FN1: variants seen among roughly 807,000 people sequenced by gnomAD.
The protein encoded by FN1 is fibronectin 1.
Under a neutral mutation model 297.3 loss-of-function variants are expected in FN1, and 106 were observed. The observed-to-expected ratio is 0.36, with a 90% CI of 0.30 to 0.42. The LOEUF (loss-of-function observed/expected upper bound fraction) is 0.42. FN1 is among the 10% of genes least tolerant of loss of function. The pLI is 1.00. For synonymous variants in FN1, 1,149 were observed against 1,152.6 expected, an observed-to-expected ratio of 1.00 and a Z score of 0.06; for missense variants, 2,690 against 3,124.9, an observed-to-expected ratio of 0.86 and a Z score of 3.32.
Position 215,435,658 on chromosome 2 carries a change from T to C in FN1, c.145A>G (p.Lys49Glu). The change falls in exon 1 of 46, where the codon AAG becomes GAG. Residue 49 changes from lysine (K) to glutamate (E), a missense_variant. Coordinates refer to ENST00000354785, the MANE Select transcript of FN1 (RefSeq NM_212482.4). ...PQSPVAVSQS[K>E]PGCYDNGKHY... Reference sequence around the variant, plus strand: ...TCAGCCCGCGGTCAGTACTCACGCTTGCTTTGACTGACAGCCACCGGGGAC... The same window carrying C: ...TCAGCCCGCGGTCAGTACTCACGCTCGCTTTGACTGACAGCCACCGGGGAC... The C allele has an allele frequency of 6.2e-7, 1 of 1,613,656 alleles. No individual in the cohort carries two copies. The highest frequency in any genetic ancestry group is 8.5e-7 in the Non-Finnish European group (1 of 1,179,988).
At chr2:215,398,546 A>G (rs962646072) in intron 21 of FN1, among the ~76,000 whole-genome samples, 25 of 152,224 alleles carry the variant, frequency 1.6e-4, no homozygotes, top group African/African-American at 6.0e-4. Context: ...AAGTTCTTCT[A>G]TATTTGAGTA....
At position 215,370,435 on chromosome 2, in the gene FN1, G is replaced by A. The variant is rs376734004; in HGVS notation, c.6715-3C>T. On this transcript the variant is annotated splice_region_variant and splice_polypyrimidine_tract_variant and intron_variant, in intron 40 of 45. Coordinates refer to ENST00000354785, the MANE Select transcript of FN1 (RefSeq NM_212482.4). ...GTAGAAGTTCCAGGAACCCTGAACT[G>A]CAATTATCGGTACATCCAAAGCAGA... is the stretch of plus-strand genomic sequence containing the variant. 4.3e-6 allele frequency: 7 copies of A among 1,612,068 alleles called. No individual in the cohort carries two copies. The African/African-American group carries it at 6.7e-5, about 15-fold the overall frequency.
chr2:215,395,329 G>A (rs566333913), intron 23 of FN1, among the ~76,000 whole-genome samples: 2 of 152,174 alleles, frequency 1.3e-5, no homozygotes, highest in African/African-American at 4.8e-5. Flanking sequence ...CCTGAGGTTG[G>A]GAGTTCGAGA....
chr2:215,431,704 AC>A, intron 4 of FN1, 128 bp downstream of exon 4: 1 of 986,438 alleles, frequency 1.0e-6, no homozygotes, highest in Non-Finnish European at 1.6e-6. Flanking sequence ...ATTATTTCAA[AC>A]AAAATTCCCA....
At position 215,384,175 on chromosome 2, in the gene FN1, C is replaced by T; in HGVS notation, c.4739G>A (p.Ser1580Asn). The change falls in exon 30 of 46, where the codon AGC becomes AAC. Residue 1580 changes from serine (S) to asparagine (N), a missense_variant. By Grantham distance (46) the Ser-to-Asn change is conservative (BLOSUM62 1). Coordinates refer to ENST00000354785, the MANE Select transcript of FN1 (RefSeq NM_212482.4). ...AGGCACAGTGAACTCCTGGACAGGG[C>T]TATTTCCTCCTGTATGAAAAAGGGT... Reference protein sequence around the residue: ...RITYGETGGNSPVQEFTVPGS... With the variant: ...RITYGETGGNNPVQEFTVPGS... The T allele has an allele frequency of 6.2e-7, 1 of 1,614,106 alleles. No individual in the cohort carries two copies. The highest frequency in any genetic ancestry group is 1.3e-5 in the African/African-American group (1 of 75,018).
At chr2:215,361,915 T>C in intron 45 of FN1, 54 bp downstream of exon 45, 1 of 1,605,970 alleles carries the variant, frequency 6.2e-7, no homozygotes, top group Non-Finnish European at 8.5e-7. Flanking sequence ...AAGATACCTG[T>C]AGAAAGAGAC....
chr2:215,391,848 G>T, intron 25 of FN1, 34 bp from the exon 26 acceptor site: 1 of 1,598,582 alleles, frequency 6.3e-7, no homozygotes, highest in Non-Finnish European at 8.6e-7. Flanking sequence ...CTCAGTTAAT[G>T]TAATTTTAAA....
intron 3 of FN1, among the ~76,000 whole-genome samples, chr2:215,432,630 CTTATAT>C (rs1441290862): frequency 4.6e-5 from 7 of 152,116 alleles, no homozygotes; most frequent in Non-Finnish European, 8.8e-5. Flanking sequence ...TTTAAGACGA[CTTATAT>C]TTAAAGAATG....
At position 215,364,733 on chromosome 2, in the gene FN1, A is replaced by G. The variant is rs374984617; in HGVS notation, c.7251+146T>C. 11 of 689,280 alleles carry G rather than the reference A, an allele frequency of 1.6e-5. No individual in the cohort carries two copies. In the East Asian group the frequency reaches 1.6e-4, roughly 10 times the overall value. 42.7% of individuals were successfully genotyped at this position (689,280 alleles called of 1,614,324 possible). A position where few individuals can be genotyped will look rare whatever the true frequency, so the allele number is the denominator to read the frequency against. ...AGACATAGAGCTGCTCTAGAGCTCT[A>G]TGTCAGCAGTTGTATGCCAACAGGA... On this transcript the variant is annotated intron_variant, in intron 44 of 45. Transcript: ENST00000354785.
chr2:215,382,231 C>T lies in FN1; in HGVS notation c.5145G>A (p.Leu1715=). Residue 1715 remains leucine (L), a synonymous_variant, in exon 32 of 46, where the codon CTG becomes CTA. Coordinates refer to ENST00000354785, the MANE Select transcript of FN1 (RefSeq NM_212482.4). ...AQNPSGESQP[L]VQTAVTNIDR... ...ACGTACTGGTTACTGCAGTCTGAAC[C>T]AGAGGCTGACTCTCTCCGCTTGGAT... 1 of 1,613,202 alleles carries T rather than the reference C, an allele frequency of 6.2e-7. No homozygotes were observed. Among genetic ancestry groups the T allele is most frequent in the Non-Finnish European group, 8.5e-7 (1 of 1,179,172 alleles).
chr2:215,410,554 C>G (rs1212647043), intron 13 of FN1, among the ~76,000 whole-genome samples: 2 of 148,780 alleles, frequency 1.3e-5, no homozygotes, highest in Admixed American at 6.8e-5. Context: ...GTTGCCCAGG[C>G]TAGAGTGCAG....
At chr2:215,411,540 A>C (rs2062629482) in intron 13 of FN1, among the ~76,000 whole-genome samples, 1 of 152,220 alleles carries the variant, frequency 6.6e-6, no homozygotes, top group Non-Finnish European at 1.5e-5. Context: ...TAGTTATTAC[A>C]AGAAAATAAC....
chr2:215,394,301 C>T (rs985317552), intron 24 of FN1, among the ~76,000 whole-genome samples: 5 of 152,198 alleles, frequency 3.3e-5, no homozygotes, highest in East Asian at 1.9e-4. Context: ...ATTACATACT[C>T]GCTGCAACAC....
chr2:215,397,203 A>G lies in FN1; in HGVS notation c.3538T>C (p.Leu1180=). ...GTGTCAGGGTTTGCCTCCAGATGCA[A>G]GTTTGTTGGTGGAGACAATGCTATG... ...VVTPLSPPTN[L]HLEANPDTGV... is the part of the protein sequence containing the mutation. Residue 1180 remains leucine, a synonymous_variant, in exon 23 of 46, where the codon TTG becomes CTG. Transcript: ENST00000354785. 6.2e-7 allele frequency: 1 copy of G among 1,613,624 alleles called. No homozygotes were observed. The highest frequency in any genetic ancestry group is 1.1e-5 in the South Asian group (1 of 91,058).
At chr2:215,400,660 G>C (rs569119884) in intron 20 of FN1, among the ~76,000 whole-genome samples, 63 of 135,588 alleles carry the variant, frequency 4.6e-4, no homozygotes, top group Non-Finnish European at 7.5e-4. Flanking sequence ...GCTGAGGCAG[G>C]AGAATCACCT....
rs1327879168 is a variant in FN1 at position 215,370,405 on chromosome 2, C to T, written c.6742G>A (p.Ala2248Thr). Residue 2248 changes from alanine (A) to threonine (T), a missense_variant, in exon 41 of 46, where the codon GCC becomes ACC. Physicochemically the swap from Ala to Thr is moderately conservative, Grantham distance 58 (BLOSUM62 0). Coordinates refer to ENST00000354785, the MANE Select transcript of FN1 (RefSeq NM_212482.4). ...CCTCTGGTGAGGCCTGTCAGAGTGG[C>T]ACTGGTAGAAGTTCCAGGAACCCTG... Reference protein sequence around the residue: ...QFRVPGTSTSATLTGLTRGAT... With the variant: ...QFRVPGTSTSTTLTGLTRGAT... The T allele has an allele frequency of 3.1e-6, 5 of 1,613,696 alleles. No individual in the cohort carries two copies. Among genetic ancestry groups the T allele is most frequent in the African/African-American group, 2.7e-5 (2 of 74,794 alleles).
chr2:215,389,772 A>T (rs1261471938), intron 26 of FN1, among the ~76,000 whole-genome samples: 2 of 150,604 alleles, frequency 1.3e-5, no homozygotes, highest in African/African-American at 4.9e-5. Flanking sequence ...CCTGGGCAAC[A>T]GAGGGAGACT....
intron 32 of FN1, 89 bp from the exon 33 acceptor site, chr2:215,381,169 C>A: frequency 4.5e-6 from 6 of 1,326,390 alleles, no homozygotes; most frequent in Non-Finnish European, 6.5e-6. Flanking sequence ...TTTGCAGATA[C>A]CATTTTCTTT....
At position 215,379,275 on chromosome 2, in the gene FN1, G is replaced by A; in HGVS notation, c.5477C>T (p.Pro1826Leu). Residue 1826 changes from proline (P) to leucine (L), a missense_variant, in exon 34 of 46, where the codon CCC (proline) becomes CTC (leucine). This residue lies in a region of FN1 where 1,743 missense variants were observed against 1,945.2 expected (regional missense o/e 0.90). Coordinates refer to ENST00000354785, the MANE Select transcript of FN1 (RefSeq NM_212482.4). ...PTDLKFTQVT[P>L]TSLSAQWTPP... ...TGTCCACTGGGCGCTCAGGCTTGTG[G>A]GTGTGACCTGAGTGAACTTCAGGTC... 1.2e-6 allele frequency: 2 copies of A among 1,614,064 alleles called. No individual in the cohort carries two copies. Among genetic ancestry groups the A allele is most frequent in the East Asian group, 4.5e-5 (2 of 44,868 alleles).
Sources: gnomAD v4.1 joint callset for allele counts (sites outside exome capture counted in the v4.1 genomes callset) on GRCh38, gnomAD v4.1.1 for gene constraint, gnomAD v4.1.1 regional missense constraint, MANE v1.5 for transcripts, NCBI Gene and HGNC (gene_info 2026-07-23, HGNC 2026-07-21) for gene names.